TBC1D22A: variants seen among roughly 807,000 people sequenced by gnomAD.
TBC1D22A encodes TBC1 domain family member 22A.
In TBC1D22A, 38 loss-of-function variants were observed where a neutral mutation model predicts 60.2. The ratio of observed to expected loss-of-function variants is 0.63; its 90% CI spans 0.49 to 0.83. The LOEUF (loss-of-function observed/expected upper bound fraction) is 0.83, where lower values mean the gene tolerates loss of function less well. TBC1D22A is among the 40% of genes least tolerant of loss of function. The pLI is 0.00. For synonymous variants in TBC1D22A, 302 were observed against 281.7 expected, an observed-to-expected ratio of 1.07 and a Z score of -0.72; for missense variants, 628 against 701.0, an observed-to-expected ratio of 0.90 and a Z score of 1.18.
intron 12 of TBC1D22A, among the ~76,000 whole-genome samples, chr22:47,171,724 A>AGGTCATGT (rs1402445201): frequency 6.6e-6 from 1 of 151,974 alleles, no homozygotes; most frequent in Non-Finnish European, 1.5e-5. Context: ...GTCATGTGGG[A>AGGTCATGT]GGGCGGGGCT....
chr22:46,981,864 C>A (rs1468630170), intron 9 of TBC1D22A, among the ~76,000 whole-genome samples: 17 of 152,178 alleles, frequency 1.1e-4, no homozygotes, highest in Admixed American at 1.1e-3. Context: ...ACAGTTTGGG[C>A]AAATGGACAT....
intron 8 of TBC1D22A, among the ~76,000 whole-genome samples, chr22:46,945,565 C>T (rs145429939): frequency 1.3e-5 from 2 of 152,278 alleles, no homozygotes; most frequent in Non-Finnish European, 2.9e-5. Context: ...CGGCATTTCT[C>T]GTTATGGGGA....
chr22:46,793,145 G>A (rs1397136309), intron 2 of TBC1D22A, among the ~76,000 whole-genome samples: 1 of 152,230 alleles, frequency 6.6e-6, no homozygotes, highest in Non-Finnish European at 1.5e-5. Context: ...CTGCACAGGC[G>A]CTCCTGGCCC....
intron 12 of TBC1D22A, among the ~76,000 whole-genome samples, chr22:47,153,701 G>A (rs2067596699): frequency 6.6e-6 from 1 of 152,218 alleles, no homozygotes; most frequent in Non-Finnish European, 1.5e-5. Flanking sequence ...AACCCGCAGG[G>A]TGTGGTGACA....
chr22:46,878,372 C>A (rs1756867376), intron 4 of TBC1D22A, among the ~76,000 whole-genome samples: 1 of 1,754 alleles, frequency 5.7e-4, no homozygotes, highest in African/African-American at 1.4e-3. Context: ...CTCTGGACTT[C>A]TCTGGTTGAA....
intron 11 of TBC1D22A, among the ~76,000 whole-genome samples, chr22:47,089,234 T>C (rs1056395631): frequency 3.3e-5 from 5 of 152,218 alleles, no homozygotes; most frequent in Admixed American, 3.3e-4. Flanking sequence ...TTAATTGTTT[T>C]GATGTAATAA....
At chr22:47,045,598 C>T (rs1353262902) in intron 11 of TBC1D22A, among the ~76,000 whole-genome samples, 1 of 152,160 alleles carries the variant, frequency 6.6e-6, no homozygotes, top group Non-Finnish European at 1.5e-5. Flanking sequence ...GCAGAACGGG[C>T]AGTGTTGTTA....
At chr22:46,816,030 C>A (rs2085583587) in intron 4 of TBC1D22A, among the ~76,000 whole-genome samples, 1 of 152,202 alleles carries the variant, frequency 6.6e-6, no homozygotes, top group African/African-American at 2.4e-5. Flanking sequence ...CAGGTGGTGT[C>A]ATTTCCCTGC....
intron 4 of TBC1D22A, among the ~76,000 whole-genome samples, chr22:46,874,342 T>A (rs1293962042): frequency 6.6e-6 from 1 of 152,040 alleles, no homozygotes; most frequent in African/African-American, 2.4e-5. Flanking sequence ...TGTCTCTAGG[T>A]CTTTGAGGAA....
At chr22:46,779,826 C>T (rs905217842) in intron 1 of TBC1D22A, among the ~76,000 whole-genome samples, 1 of 152,190 alleles carries the variant, frequency 6.6e-6, no homozygotes, top group Non-Finnish European at 1.5e-5. Context: ...TAGCTGGGAG[C>T]CTTGCAGGAC....
At chr22:47,046,807 G>A (rs1014999349) in intron 11 of TBC1D22A, among the ~76,000 whole-genome samples, 4 of 152,144 alleles carry the variant, frequency 2.6e-5, no homozygotes, top group African/African-American at 9.7e-5. Context: ...CTCTATCCCA[G>A]AGCCCTGGAT....
chr22:47,171,801 G>A (rs2068466618), intron 12 of TBC1D22A, among the ~76,000 whole-genome samples: 1 of 152,192 alleles, frequency 6.6e-6, no homozygotes, highest in Admixed American at 6.5e-5. Flanking sequence ...TGGCCTCAGT[G>A]GACGTAGGTC....
intron 8 of TBC1D22A, among the ~76,000 whole-genome samples, chr22:46,964,928 C>T (rs956720146): frequency 1.3e-5 from 2 of 152,206 alleles, no homozygotes; most frequent in Non-Finnish European, 1.5e-5. Flanking sequence ...GCTGCACGCC[C>T]GTTCTTGCTC....
chr22:46,835,512 C>T (rs2086479502), intron 4 of TBC1D22A, among the ~76,000 whole-genome samples: 1 of 151,982 alleles, frequency 6.6e-6, no homozygotes, highest in African/African-American at 2.4e-5. Flanking sequence ...TCAGTAGGCT[C>T]AAAGACAGGT....
At chr22:46,800,144 A>T (rs996993223) in intron 4 of TBC1D22A, among the ~76,000 whole-genome samples, 1 of 151,968 alleles carries the variant, frequency 6.6e-6, no homozygotes. Flanking sequence ...CCCCGACTTG[A>T]CTGCACCAGC....
chr22:47,114,897 C>T (rs765767316), intron 12 of TBC1D22A, among the ~76,000 whole-genome samples: 78 of 152,214 alleles, frequency 5.1e-4, no homozygotes, highest in Admixed American at 1.0e-3. Context: ...CTTGGGCAGG[C>T]GGGGAAGGTG....
At chr22:46,789,459 A>T (rs758141781) in intron 1 of TBC1D22A, 2 of 377,704 alleles carry the variant, frequency 5.3e-6, no homozygotes, top group South Asian at 3.9e-5. Flanking sequence ...ATGCCAGTTG[A>T]AGTTTTGCTT....
At chr22:47,155,719 A>G (rs1001447696) in intron 12 of TBC1D22A, among the ~76,000 whole-genome samples, 3 of 152,210 alleles carry the variant, frequency 2.0e-5, no homozygotes, top group Non-Finnish European at 2.9e-5. Context: ...TGTGCTCACA[A>G]GACAGAGGAT....
At chr22:47,148,436 T>C (rs2067368477) in intron 12 of TBC1D22A, among the ~76,000 whole-genome samples, 1 of 152,008 alleles carries the variant, frequency 6.6e-6, no homozygotes, top group Admixed American at 6.5e-5. Context: ...AGGATGTGCC[T>C]AAGAGAGTTT....
Sources: gnomAD v4.1 joint callset for allele counts (sites outside exome capture counted in the v4.1 genomes callset) on GRCh38, gnomAD v4.1.1 for gene constraint, MANE v1.5 for transcripts, NCBI Gene and HGNC (gene_info 2026-07-23, HGNC 2026-07-21) for gene names.